ADAMTSL1: variants seen among roughly 807,000 people sequenced by gnomAD.
ADAMTSL1 encodes ADAMTS like 1, also known as ADAMTS-like protein 1.
In ADAMTSL1, 126 loss-of-function variants were observed where a neutral mutation model predicts 201.8. That is an observed-to-expected ratio of 0.62 (90% confidence interval 0.54 to 0.72). ADAMTSL1 has a LOEUF of 0.72. Ranked by LOEUF, ADAMTSL1 falls within the 30% of genes least tolerant of loss-of-function variation. The pLI is 0.00. For synonymous variants in ADAMTSL1, 1,121 were observed against 903.4 expected, an observed-to-expected ratio of 1.24 and a Z score of -4.32; for missense variants, 2,679 against 2,277.8, an observed-to-expected ratio of 1.18 and a Z score of -3.59.
intron 9 of ADAMTSL1, among the ~76,000 whole-genome samples, chr9:18,671,975 T>G (rs1480589496): frequency 6.6e-6 from 1 of 151,964 alleles, no homozygotes; most frequent in Non-Finnish European, 1.5e-5. Context: ...AGGAGGAGTT[T>G]GCAGTGAGCC....
chr9:18,430,073 A>T (rs1257927560), intron 2 of ADAMTSL1, among the ~76,000 whole-genome samples: 5 of 152,162 alleles, frequency 3.3e-5, no homozygotes, highest in African/African-American at 1.2e-4. Context: ...TGCAGGCATG[A>T]GCCACCATGC....
At chr9:18,683,237 T>TTTTC (rs34692510) in intron 12 of ADAMTSL1, among the ~76,000 whole-genome samples, 1 of 151,126 alleles carries the variant, frequency 6.6e-6, no homozygotes, top group Non-Finnish European at 1.5e-5. Context: ...TTTGTTTTTT[T>TTTTC]TTTTTGAGAC....
intron 23 of ADAMTSL1, among the ~76,000 whole-genome samples, chr9:18,872,840 C>T (rs1377127635): frequency 1.3e-5 from 2 of 152,144 alleles, no homozygotes; most frequent in Non-Finnish European, 2.9e-5. Flanking sequence ...GACTTGTTTT[C>T]GTCTGGGTGG....
chr9:18,322,718 A>T (rs1278239090), intron 2 of ADAMTSL1, among the ~76,000 whole-genome samples: 2 of 152,138 alleles, frequency 1.3e-5, no homozygotes, highest in East Asian at 3.9e-4. Context: ...AAAAAACACA[A>T]ATCACCAATA....
At chr9:18,589,772 T>C (rs370826467) in intron 4 of ADAMTSL1, among the ~76,000 whole-genome samples, 2 of 152,198 alleles carry the variant, frequency 1.3e-5, no homozygotes, top group Non-Finnish European at 2.9e-5. Flanking sequence ...AGGGTTTTTG[T>C]CATCTACAGA....
chr9:18,133,050 G>C (rs1167072720), intron 1 of ADAMTSL1, among the ~76,000 whole-genome samples: 1 of 152,084 alleles, frequency 6.6e-6, no homozygotes, highest in Non-Finnish European at 1.5e-5. Context: ...ATCTCTCTCA[G>C]GACTGTGGAG....
intron 2 of ADAMTSL1, among the ~76,000 whole-genome samples, chr9:18,262,461 T>C (rs1256412426): frequency 6.6e-6 from 1 of 152,190 alleles, no homozygotes; most frequent in African/African-American, 2.4e-5. Context: ...ATGTATACAC[T>C]GTTGGCCAAA....
chr9:18,675,576 A>G (rs540804484), intron 9 of ADAMTSL1, among the ~76,000 whole-genome samples: 1 of 152,288 alleles, frequency 6.6e-6, no homozygotes, highest in African/African-American at 2.4e-5. Flanking sequence ...GTCATAGTTA[A>G]TGATGAAGTG....
intron 2 of ADAMTSL1, among the ~76,000 whole-genome samples, chr9:18,181,660 GA>G (rs1399194660): frequency 6.6e-6 from 1 of 152,092 alleles, no homozygotes; most frequent in Non-Finnish European, 1.5e-5. Flanking sequence ...AGGATGTGGA[GA>G]AATAGGAACA....
chr9:18,149,536 A>G (rs891802527), intron 1 of ADAMTSL1, among the ~76,000 whole-genome samples: 1 of 152,000 alleles, frequency 6.6e-6, no homozygotes, highest in Non-Finnish European at 1.5e-5. Flanking sequence ...TCACATCACC[A>G]GGGAGTGTGT....
intron 4 of ADAMTSL1, among the ~76,000 whole-genome samples, chr9:18,618,872 T>C (rs1825859952): frequency 6.6e-6 from 1 of 152,170 alleles, no homozygotes; most frequent in African/African-American, 2.4e-5. Context: ...TAACTGCATA[T>C]AATGCTAACC....
intron 14 of ADAMTSL1, 38 bp downstream of exon 14, chr9:18,707,086 T>A: frequency 1.3e-6 from 2 of 1,585,964 alleles, no homozygotes; most frequent in Non-Finnish European, 1.7e-6. Context: ...CCCGCCATCT[T>A]CTTGCTCATT....
intron 1 of ADAMTSL1, among the ~76,000 whole-genome samples, chr9:18,040,635 C>G (rs1821391390): frequency 6.6e-6 from 1 of 152,108 alleles, no homozygotes. Context: ...TGGTGTGAAT[C>G]TGTACTTAAG....
intron 1 of ADAMTSL1, among the ~76,000 whole-genome samples, chr9:17,953,063 T>C (rs1827793099): frequency 6.6e-6 from 1 of 152,064 alleles, no homozygotes; most frequent in African/African-American, 2.4e-5. Context: ...CACTGACTGT[T>C]TACATTCATA....
chr9:18,597,015 C>T (rs759285093), intron 4 of ADAMTSL1, among the ~76,000 whole-genome samples: 9 of 152,122 alleles, frequency 5.9e-5, no homozygotes, highest in Admixed American at 6.6e-5. Flanking sequence ...GACCATATAG[C>T]CAATTAGATT....
intron 3 of ADAMTSL1, among the ~76,000 whole-genome samples, chr9:18,548,297 C>T (rs993783326): frequency 6.6e-6 from 1 of 152,068 alleles, no homozygotes; most frequent in Admixed American, 6.6e-5. Flanking sequence ...AACAAGTGTC[C>T]TTTTGGCAGT....
At chr9:18,885,729 C>T (rs1362403403) in intron 23 of ADAMTSL1, among the ~76,000 whole-genome samples, 1 of 152,020 alleles carries the variant, frequency 6.6e-6, no homozygotes, top group East Asian at 1.9e-4. Context: ...CCTCTCACTA[C>T]TACCTCAGGA....
Position 18,646,069 on chromosome 9 carries a change from C to T in ADAMTSL1, c.834+6658C>T, listed in dbSNP as rs977075749. 3.3e-5 allele frequency among the ~76,000 whole-genome samples: 5 copies of T among 152,046 alleles called. No homozygotes were observed. The South Asian group carries it at 6.2e-4, about 19-fold the overall frequency. On this transcript the variant is annotated intron_variant, in intron 7 of 28. Coordinates refer to ENST00000380548, the MANE Select transcript of ADAMTSL1 (RefSeq NM_001040272.6). The stretch of plus-strand genomic sequence containing the variant: ...TTGTATCCTCTTTTATTTCCTTGAG[C>T]AGTGGTTTGTAGTTCTCCTTGAAGA...
intron 3 of ADAMTSL1, among the ~76,000 whole-genome samples, chr9:18,559,484 A>T (rs1047811315): frequency 6.6e-6 from 1 of 152,152 alleles, no homozygotes; most frequent in Admixed American, 6.5e-5. Flanking sequence ...TTTCTTGGCT[A>T]TATGAGCTCT....
Sources: gnomAD v4.1 joint callset for allele counts (sites outside exome capture counted in the v4.1 genomes callset) on GRCh38, gnomAD v4.1.1 for gene constraint, MANE v1.5 for transcripts, NCBI Gene and HGNC (gene_info 2026-07-23, HGNC 2026-07-21) for gene names.